Variants in EFCAB6 observed in about 807,000 individuals in gnomAD.
The protein encoded by EFCAB6 is EF-hand calcium binding domain 6, also known as EF-hand calcium-binding domain-containing protein 6.
In EFCAB6, 156 loss-of-function variants were observed where a neutral mutation model predicts 169.8. That is an observed-to-expected ratio of 0.92 (90% CI 0.81 to 1.05). The LOEUF (loss-of-function observed/expected upper bound fraction) is 1.05. Ranked by LOEUF, EFCAB6 falls within the 50% of genes least tolerant of loss-of-function variation. The probability of loss-of-function intolerance (pLI) is 0.00; values close to 1 mark genes in which losing one functional copy is unlikely to be tolerated. For missense variants in EFCAB6, 1,800 were observed against 1,829.1 expected (o/e 0.98, Z 0.29); for synonymous variants, 698 against 676.4 (o/e 1.03, Z -0.50).
chr22:43,609,051 A>C (rs900072178), intron 21 of EFCAB6, among the ~76,000 whole-genome samples: 1 of 152,236 alleles, frequency 6.6e-6, no homozygotes, highest in Non-Finnish European at 1.5e-5. Context: ...TGATGGGTAC[A>C]GAAGGTATTG....
chr22:43,757,606 C>A (rs1271449265), intron 5 of EFCAB6, among the ~76,000 whole-genome samples: 1 of 152,122 alleles, frequency 6.6e-6, no homozygotes, highest in Non-Finnish European at 1.5e-5. Context: ...TTAACCCCCG[C>A]CCCCATCCAG....
At chr22:43,808,611 G>A (rs1034900548) in intron 2 of EFCAB6, among the ~76,000 whole-genome samples, 3 of 152,134 alleles carry the variant, frequency 2.0e-5, no homozygotes, top group East Asian at 1.9e-4. Context: ...TTTAGGTCCC[G>A]AGGATATACA....
At chr22:43,789,546 C>G (rs2062199058) in intron 2 of EFCAB6, among the ~76,000 whole-genome samples, 1 of 152,174 alleles carries the variant, frequency 6.6e-6, no homozygotes, top group Non-Finnish European at 1.5e-5. Context: ...TCCTGCTTAC[C>G]ATCAGCCAGG....
chr22:43,715,642 G>A (rs968864316), intron 9 of EFCAB6, among the ~76,000 whole-genome samples: 2 of 151,952 alleles, frequency 1.3e-5, no homozygotes, highest in East Asian at 1.9e-4. Flanking sequence ...AATAAAGAGA[G>A]GTCCAGAATT....
At chr22:43,548,417 G>C (rs1412465816) in intron 27 of EFCAB6, among the ~76,000 whole-genome samples, 1 of 148,848 alleles carries the variant, frequency 6.7e-6, no homozygotes, top group Non-Finnish European at 1.5e-5. Flanking sequence ...GCATGTGCCT[G>C]TAATCCCAGC....
intron 2 of EFCAB6, among the ~76,000 whole-genome samples, chr22:43,790,042 G>A (rs1032997246): frequency 3.3e-5 from 5 of 152,206 alleles, no homozygotes; most frequent in African/African-American, 1.2e-4. Flanking sequence ...TTACAGGGTT[G>A]AAGAAATGAA....
chr22:43,744,771 G>T lies in EFCAB6; in HGVS notation c.508-8778C>A, dbSNP rs1382293159. 6.6e-6 allele frequency among the ~76,000 whole-genome samples: 1 copy of T among 152,186 alleles called. No individual in the cohort carries two copies. The highest frequency in any genetic ancestry group is 1.5e-5 in the Non-Finnish European group (1 of 68,032). On this transcript the variant is annotated intron_variant, in intron 6 of 31. Coordinates refer to ENST00000262726, the MANE Select transcript of EFCAB6 (RefSeq NM_022785.4). The surrounding 1 kb of genome is among the most constrained non-coding windows in gnomAD (Gnocchi z 4.3). The stretch of plus-strand genomic sequence containing the variant: ...AGAGAGGACCCAGATAAGGGAGAGA[G>T]AGACATGCTCTCCTTCCCCAGCCCT...
intron 8 of EFCAB6, among the ~76,000 whole-genome samples, chr22:43,730,466 T>C: frequency 6.6e-6 from 1 of 151,534 alleles, no homozygotes; most frequent in Non-Finnish European, 1.5e-5. Context: ...GGACATTATA[T>C]CCAAGATATA....
intron 21 of EFCAB6, 82 bp downstream of exon 21, chr22:43,615,744 T>G (rs1450811113): frequency 8.0e-7 from 1 of 1,243,006 alleles, no homozygotes; most frequent in East Asian, 2.5e-5. Flanking sequence ...AGCGTCTGGA[T>G]CTGAACAGCT....
At position 43,580,570 on chromosome 22, in the gene EFCAB6, T is replaced by C. The variant is rs1348821055; in HGVS notation, c.3122A>G (p.Lys1041Arg). ...ENSKSTGAQP[K>R]EKEESMPINF... ...GATTGGCATGCTCTCTTCTTTTTCC[T>C]TGGGCTGAGCTCCTGTTGACTTGCT... The change falls in exon 25 of 32, where the codon AAG becomes AGG. Residue 1041 changes from lysine to arginine, a missense_variant. Lys to Arg is a conservative substitution (Grantham distance 26). Coordinates refer to ENST00000262726, the MANE Select transcript of EFCAB6 (RefSeq NM_022785.4). 6.2e-7 allele frequency: 1 copy of C among 1,614,198 alleles called. No individual in the cohort carries two copies. Among genetic ancestry groups the C allele is most frequent in the Non-Finnish European group, 8.5e-7 (1 of 1,180,036 alleles).
intron 8 of EFCAB6, among the ~76,000 whole-genome samples, chr22:43,718,961 G>T (rs1425483634): frequency 6.6e-6 from 1 of 152,184 alleles, no homozygotes; most frequent in Admixed American, 6.5e-5. Flanking sequence ...GCACACAGAG[G>T]CCTCCAGCCC....
chr22:43,532,861 C>G (rs2047164713), intron 30 of EFCAB6, among the ~76,000 whole-genome samples: 1 of 152,198 alleles, frequency 6.6e-6, no homozygotes, highest in South Asian at 2.1e-4. Context: ...GCTTTCAGCC[C>G]GACACTTCTG....
At chr22:43,706,981 T>G (rs879411769) in intron 10 of EFCAB6, among the ~76,000 whole-genome samples, 1 of 152,158 alleles carries the variant, frequency 6.6e-6, no homozygotes, top group Non-Finnish European at 1.5e-5. Context: ...GGGAAATCCA[T>G]AGGTATTAGG....
At position 43,635,187 on chromosome 22, in the gene EFCAB6, G is replaced by A. The variant is rs781536986; in HGVS notation, c.2013C>T (p.Asp671=). ...KVLEDTGMPM[D]DDQYALLTTK... Reference sequence around the variant, plus strand: ...TGGTCAGCAGGGCATACTGATCATCGTCCATGGGCATCCCAGTGTCTTCCA... The same window carrying A: ...TGGTCAGCAGGGCATACTGATCATCATCCATGGGCATCCCAGTGTCTTCCA... Residue 671 remains aspartate (D), a synonymous_variant, in exon 18 of 32, where the codon GAC becomes GAT. Transcript: ENST00000262726. 18 of 1,613,956 alleles carry A rather than the reference G, an allele frequency of 1.1e-5. No individual in the cohort carries two copies. In the Middle Eastern group the frequency reaches 4.9e-4, roughly 44 times the overall value.
rs560091110 is a variant in EFCAB6, at chr22:43,541,297, AG to A, written c.3649-941del. ...CTTGGGCTTGATTTGAATCCTCAGA[AG>A]AAGCAGGGAGAGGTACGGAAGTCGG... On this transcript the variant is annotated intron_variant, in intron 27 of 31. Transcript: ENST00000262726. Among the ~76,000 whole-genome samples, 242 of 152,364 alleles carry A rather than the reference AG, an allele frequency of 1.6e-3. 1 individual carries two copies. Among genetic ancestry groups the A allele is most frequent in the Non-Finnish European group, 2.1e-3 (144 of 68,026 alleles).
In EFCAB6 at chr22:43,784,503, AT is replaced by A. The variant is rs1275975627; in HGVS notation, c.-7-2179del. Among the ~76,000 whole-genome samples, 68 of 84,278 alleles carry A rather than the reference AT, an allele frequency of 8.1e-4. 3 individuals carry two copies. The highest frequency in any genetic ancestry group is 3.0e-3 in the African/African-American group (60 of 20,308). The allele number at this position is 84,278 out of a possible 152,430, so 55.3% of individuals were successfully genotyped here. ...CTGTCTCTACCAAAAAAAAAAAAAA[AT>A]ATATATATGTGTGTGTGTGTGTGTG... is the stretch of plus-strand genomic sequence containing the variant. On this transcript the variant is annotated intron_variant, in intron 2 of 31. Transcript: ENST00000262726.
chr22:43,755,321 G>A (rs2060915110), intron 6 of EFCAB6, among the ~76,000 whole-genome samples: 1 of 152,198 alleles, frequency 6.6e-6, no homozygotes, highest in African/African-American at 2.4e-5. Context: ...TAAACACATA[G>A]TAGCTTTCAT....
At chr22:43,717,475 AGT>A (rs1200669160) in intron 8 of EFCAB6, among the ~76,000 whole-genome samples, 1 of 152,192 alleles carries the variant, frequency 6.6e-6, no homozygotes, top group African/African-American at 2.4e-5. Context: ...ATAATATATG[AGT>A]AGCTCTTATG....
chr22:43,580,377 G>T, intron 25 of EFCAB6, 87 bp downstream of exon 25: 1 of 1,415,508 alleles, frequency 7.1e-7, no homozygotes, highest in Non-Finnish European at 9.8e-7. Context: ...AATGAACAGA[G>T]GTGGGAGGGG....
Sources: allele counts gnomAD v4.1 joint callset (sites outside exome capture counted in the v4.1 genomes callset), GRCh38; gene constraint gnomAD v4.1.1; non-coding constraint Gnocchi (gnomAD v3.1); transcripts MANE v1.5; gene names NCBI Gene and HGNC (gene_info 2026-07-23, HGNC 2026-07-21).